ZFYVE26: variants seen among roughly 807,000 people sequenced by gnomAD.
ZFYVE26 encodes the protein zinc finger FYVE-type containing 26, also known as zinc finger FYVE domain-containing protein 26.
A neutral mutation model predicts 276.5 loss-of-function variants in ZFYVE26; 181 were observed. That is an observed-to-expected ratio of 0.65 (90% confidence interval 0.58 to 0.74). The LOEUF (loss-of-function observed/expected upper bound fraction) is 0.74, where lower values mean the gene tolerates loss of function less well. ZFYVE26 is among the 30% of genes least tolerant of loss of function. The probability of loss-of-function intolerance (pLI) is 0.00; values close to 1 mark genes in which losing one functional copy is unlikely to be tolerated. For synonymous variants in ZFYVE26, 1,129 were observed against 1,203.1 expected (o/e 0.94, Z 1.27); for missense variants, 2,821 against 3,097.9 (o/e 0.91, Z 2.12).
Position 67,804,237 on chromosome 14 carries a change from C to T in ZFYVE26, c.1299G>A (p.Leu433=). 1 of 1,614,152 alleles carries T rather than the reference C, an allele frequency of 6.2e-7. No individual in the cohort carries two copies. ...SSNPIPKRDL[L]YHLHGGDSHS... ...GGCTGTCTCCACCGTGTAAATGATACAACAGATCTCTCTTTGGTATGGGGT... is the reference window on the plus strand; with the variant it reads ...GGCTGTCTCCACCGTGTAAATGATATAACAGATCTCTCTTTGGTATGGGGT... The change falls in exon 9 of 42, where the codon TTG becomes TTA. Residue 433 remains leucine (L), a synonymous_variant. Coordinates refer to ENST00000347230, the MANE Select transcript of ZFYVE26 (RefSeq NM_015346.4).
intron 3 of ZFYVE26, among the ~76,000 whole-genome samples, chr14:67,811,909 G>A (rs1250211742): frequency 6.9e-6 from 1 of 145,826 alleles, no homozygotes; most frequent in Non-Finnish European, 1.5e-5. Flanking sequence ...TATATAACAT[G>A]TATTATATAT....
chr14:67,781,520 C>A lies in ZFYVE26; in HGVS notation c.4382G>T (p.Gly1461Val). 1 of 1,614,094 alleles carries A rather than the reference C, an allele frequency of 6.2e-7. No individual in the cohort carries two copies. Among genetic ancestry groups the A allele is most frequent in the Non-Finnish European group, 8.5e-7 (1 of 1,180,038 alleles). The change falls in exon 22 of 42, where the codon GGT becomes GTT. Residue 1461 changes from glycine to valine, a missense_variant. Transcript: ENST00000347230. ...CTTCACGGGAAACAGGTATTGCCAA[C>A]CTTCTTTGTCTATAAGACAAAAAAG... ...LSCAVACDKE[G>V]WQYLFPVKDA...
intron 28 of ZFYVE26, chr14:67,770,004 A>C (rs2039166308): frequency 2.0e-6 from 1 of 494,002 alleles, no homozygotes; most frequent in South Asian, 2.1e-5. Flanking sequence ...ATGTGGAAAA[A>C]CAAGAAAAAG....
chr14:67,766,542 T>C (rs1185866775), intron 31 of ZFYVE26, 95 bp from the exon 32 acceptor site: 1 of 1,203,036 alleles, frequency 8.3e-7, no homozygotes, highest in African/African-American at 1.5e-5. Context: ...CCTTCCCCTT[T>C]CAAAAGGCTG....
rs17782871 is a variant in ZFYVE26, at chr14:67,766,080, C to G, written c.6011+147G>C. The G allele has an allele frequency of 0.12, 101,571 of 825,496 alleles. 6,903 individuals carry two copies. Among genetic ancestry groups the G allele is most frequent in the Middle Eastern group, 0.2 (587 of 2,896 alleles). The allele number at this position is 825,496 out of a possible 1,614,324, so 51.1% of individuals were successfully genotyped here. A position where few individuals can be genotyped will look rare whatever the true frequency, so the allele number is the denominator to read the frequency against. ...AAGAACACTTGAGATCTGGCAACAC[C>G]GTTTCATCAACATTACACAGATGAA... On this transcript the variant is annotated intron_variant, in intron 32 of 41. Coordinates refer to ENST00000347230, the MANE Select transcript of ZFYVE26 (RefSeq NM_015346.4).
chr14:67,789,165 G>A, intron 16 of ZFYVE26, among the ~76,000 whole-genome samples, 170 bp downstream of exon 16: 1 of 152,086 alleles, frequency 6.6e-6, no homozygotes, highest in South Asian at 2.1e-4. Context: ...TGTCTATTTT[G>A]TCTCTCAACA....
chr14:67,789,291 T>C lies in ZFYVE26; in HGVS notation c.3019+44A>G, dbSNP rs1277287694. 4.3e-6 allele frequency: 7 copies of C among 1,612,276 alleles called. No individual in the cohort carries two copies. In the South Asian group the frequency reaches 5.5e-5, roughly 13 times the overall value. ...ATTTATCAAGACTCTCAGAAACCCA[T>C]CTCATTTGAGAATGAAGGGATACAG... is the stretch of plus-strand genomic sequence containing the variant. On this transcript the variant is annotated intron_variant, in intron 16 of 41. Coordinates refer to ENST00000347230, the MANE Select transcript of ZFYVE26 (RefSeq NM_015346.4).
At chr14:67,790,429 C>G (rs560795888) in intron 15 of ZFYVE26, 143 bp downstream of exon 15, 2 of 864,792 alleles carry the variant, frequency 2.3e-6, no homozygotes, top group Non-Finnish European at 3.7e-6. Flanking sequence ...CTGGACGTAT[C>G]AGGTTTGCTG....
At chr14:67,791,256 A>T (rs1802630422) in intron 14 of ZFYVE26, among the ~76,000 whole-genome samples, 2 of 152,222 alleles carry the variant, frequency 1.3e-5, no homozygotes, top group Non-Finnish European at 2.9e-5. Context: ...TAAAAAAATA[A>T]TTCAAAAGGC....
chr14:67,754,015 A>AT, intron 38 of ZFYVE26, 56 bp downstream of exon 38: 2 of 1,613,114 alleles, frequency 1.2e-6, no homozygotes, highest in South Asian at 2.2e-5. Context: ...TGCAATTATG[A>AT]TAAGTGTTCT....
Position 67,806,659 on chromosome 14 carries a change from T to C in ZFYVE26, c.903A>G (p.Leu301=). ...TASGKVSPDH[L]DPERAMLALF... The stretch of plus-strand genomic sequence containing the variant: ...GGGCTAGCATTGCCCGCTCAGGATC[T>C]AGATGATCCGGTGAGACTGAACATC... The change falls in exon 6 of 42, where the codon CTA becomes CTG. Residue 301 remains leucine (L), a synonymous_variant. Coordinates refer to ENST00000347230, the MANE Select transcript of ZFYVE26 (RefSeq NM_015346.4). 1.2e-6 allele frequency: 2 copies of C among 1,614,168 alleles called. No individual in the cohort carries two copies. Among genetic ancestry groups the C allele is most frequent in the South Asian group, 1.1e-5 (1 of 91,078 alleles).
In ZFYVE26 at chr14:67,815,768, A is replaced by T; in HGVS notation, c.194+2T>A. On this transcript the variant is annotated splice_donor_variant, in intron 2 of 41. Coordinates refer to ENST00000347230, the MANE Select transcript of ZFYVE26 (RefSeq NM_015346.4). LOFTEE classifies it high-confidence loss of function. ...CGTCTGGTAGGAAAAGAGATCCCTT[A>T]CCTCAGCAGATTTGGACACACCACC... 1 of 1,612,764 alleles carries T rather than the reference A, an allele frequency of 6.2e-7. No individual in the cohort carries two copies. Among genetic ancestry groups the T allele is most frequent in the Non-Finnish European group, 8.5e-7 (1 of 1,179,992 alleles).
intron 13 of ZFYVE26, among the ~76,000 whole-genome samples, chr14:67,740,994 TGAA>T (rs894373143): frequency 2.6e-5 from 4 of 152,164 alleles, no homozygotes; most frequent in African/African-American, 9.7e-5. Flanking sequence ...CATTGGAATA[TGAA>T]GAAGGACAAG....
At chr14:67,805,712 C>T in intron 6 of ZFYVE26, 94 bp from the exon 7 acceptor site, 1 of 1,418,624 alleles carries the variant, frequency 7.0e-7, no homozygotes, top group Non-Finnish European at 9.8e-7. Flanking sequence ...TATTTTAGTA[C>T]AGCAGGGAGA....
chr14:67,783,792 T>C (rs895290183), intron 20 of ZFYVE26, among the ~76,000 whole-genome samples: 2 of 152,200 alleles, frequency 1.3e-5, no homozygotes, highest in Non-Finnish European at 2.9e-5. Context: ...ATTATATAGA[T>C]GAACAATAAC....
At chr14:67,811,729 ATATGT>A (rs2140256699) in intron 3 of ZFYVE26, among the ~76,000 whole-genome samples, 1 of 150,866 alleles carries the variant, frequency 6.6e-6, no homozygotes, top group African/African-American at 2.4e-5. Flanking sequence ...TATGTAACAT[ATATGT>A]TATATTTTAG....
chr14:67,737,088 C>CTTTTTTTTTTTT (rs71129855), intron 13 of ZFYVE26, among the ~76,000 whole-genome samples: 43 of 104,770 alleles, frequency 4.1e-4, no homozygotes, highest in East Asian at 1.1e-3. Context: ...TTTTTCTTTT[C>CTTTTTTTTTTTT]TTTTTTTTTT....
At chr14:67,785,382 TG>T (rs2039622578) in intron 18 of ZFYVE26, 105 bp from the exon 19 acceptor site, 1 of 1,023,358 alleles carries the variant, frequency 9.8e-7, no homozygotes, top group Non-Finnish European at 1.5e-6. Context: ...ATACACTGCC[TG>T]GGGCATCTGA....
rs760785546 is a variant in ZFYVE26 at position 67,766,229 on chromosome 14, G to A, written c.6009C>T (p.Asp2003=). 9.3e-6 allele frequency: 15 copies of A among 1,613,872 alleles called. No individual in the cohort carries two copies. The highest frequency in any genetic ancestry group is 1.0e-5 in the Non-Finnish European group (12 of 1,180,034). Residue 2003 remains aspartate, a splice_region_variant and synonymous_variant, in exon 32 of 42, where the codon GAC becomes GAT. Transcript: ENST00000347230. ...AATAGAGACCCACTGCCCTCTACCTGTCACAAAGAGCCAAGTCTTGGCTCT... is the reference window on the plus strand; with the variant it reads ...AATAGAGACCCACTGCCCTCTACCTATCACAAAGAGCCAAGTCTTGGCTCT... ...AGQSQDLALC[D]SYISKVDVLN...
Sources: gnomAD v4.1 joint callset for allele counts (sites outside exome capture counted in the v4.1 genomes callset) on GRCh38, gnomAD v4.1.1 for gene constraint, MANE v1.5 for transcripts, NCBI Gene and HGNC (gene_info 2026-07-23, HGNC 2026-07-21) for gene names.